Variants in CSMD1 observed in about 807,000 individuals in gnomAD.
CSMD1 encodes CUB and sushi domain-containing protein 1.
A neutral mutation model predicts 417.5 loss-of-function variants in CSMD1; 213 were observed. That is an observed-to-expected ratio of 0.51 (90% CI 0.46 to 0.57). The LOEUF (loss-of-function observed/expected upper bound fraction) is 0.57, where lower values mean the gene tolerates loss of function less well. CSMD1 is among the 20% of genes least tolerant of loss of function. The probability of loss-of-function intolerance (pLI) is 0.00; values close to 1 mark genes in which losing one functional copy is unlikely to be tolerated. For synonymous variants in CSMD1, 2,862 were observed against 1,736.8 expected, an observed-to-expected ratio of 1.65 and a Z score of -16.11; for missense variants, 6,923 against 4,529.7, an observed-to-expected ratio of 1.53 and a Z score of -15.17.
chr8:3,330,164 G>A (rs1410232837), intron 23 of CSMD1, among the ~76,000 whole-genome samples: 1 of 152,040 alleles, frequency 6.6e-6, no homozygotes, highest in Non-Finnish European at 1.5e-5. Flanking sequence ...TCCTTACATT[G>A]ATAAACTTCT....
At chr8:4,929,320 C>T (rs1339618999) in intron 1 of CSMD1, among the ~76,000 whole-genome samples, 1 of 152,156 alleles carries the variant, frequency 6.6e-6, no homozygotes, top group African/African-American at 2.4e-5. Flanking sequence ...CACATTTCTA[C>T]TCTTTAAGCC....
intron 3 of CSMD1, among the ~76,000 whole-genome samples, chr8:4,177,068 C>A (rs183540981): frequency 6.6e-6 from 1 of 152,254 alleles, no homozygotes; most frequent in African/African-American, 2.4e-5. Flanking sequence ...CTCATCTCTG[C>A]ACCAAGCGGA....
chr8:3,158,293 A>G (rs1194146488), intron 38 of CSMD1, among the ~76,000 whole-genome samples: 1 of 151,570 alleles, frequency 6.6e-6, no homozygotes, highest in African/African-American at 2.4e-5. Context: ...TTTTTCATTC[A>G]CCAGAATTTA....
At chr8:3,041,298 G>T (rs759432800) in intron 50 of CSMD1, among the ~76,000 whole-genome samples, 7 of 151,960 alleles carry the variant, frequency 4.6e-5, no homozygotes, top group African/African-American at 7.2e-5. Flanking sequence ...ATTTTTTCTT[G>T]TTTTCTTTAC....
chr8:4,433,469 G>A (rs564935552), intron 2 of CSMD1, among the ~76,000 whole-genome samples: 2 of 152,168 alleles, frequency 1.3e-5, no homozygotes, highest in East Asian at 1.9e-4. Flanking sequence ...TCAACGCACT[G>A]GCTATCTGCA....
At chr8:4,082,308 T>A (rs1333904377) in intron 3 of CSMD1, among the ~76,000 whole-genome samples, 2 of 152,052 alleles carry the variant, frequency 1.3e-5, no homozygotes, top group South Asian at 2.1e-4. Context: ...ATAAGAAAAA[T>A]TTAATATTTG....
Position 3,600,358 on chromosome 8 carries a change from T to C in CSMD1, c.1098-14098A>G, listed in dbSNP as rs568875000. 7.9e-5 allele frequency among the ~76,000 whole-genome samples: 12 copies of C among 152,320 alleles called. No individual in the cohort carries two copies. In the South Asian group the frequency reaches 1.2e-3, roughly 16 times the overall value. On this transcript the variant is annotated intron_variant, in intron 8 of 69. Transcript: ENST00000635120. ...TGGATTTATTACCTTTAGATCCTAG[T>C]TAAATTGATAAACCATCTAACTAGC...
intron 3 of CSMD1, among the ~76,000 whole-genome samples, chr8:4,128,296 G>C (rs78878206): frequency 6.6e-6 from 1 of 152,108 alleles, no homozygotes; most frequent in African/African-American, 2.4e-5. Context: ...GAGAAGACTC[G>C]TGAATTACTA....
intron 1 of CSMD1, among the ~76,000 whole-genome samples, chr8:4,834,609 G>A (rs930605524): frequency 6.6e-6 from 1 of 151,816 alleles, no homozygotes. Context: ...CGTGGTCCAG[G>A]ATAAAGAATG....
intron 5 of CSMD1, among the ~76,000 whole-genome samples, chr8:3,879,082 G>A (rs17067844): frequency 1.3e-5 from 2 of 151,824 alleles, no homozygotes; most frequent in African/African-American, 4.8e-5. Flanking sequence ...GTTATTCTGG[G>A]GTACCCAAGC....
chr8:4,704,563 G>C (rs1010698052), intron 1 of CSMD1, among the ~76,000 whole-genome samples: 1 of 152,282 alleles, frequency 6.6e-6, no homozygotes, highest in South Asian at 2.1e-4. Flanking sequence ...TTTGATTACA[G>C]AACATTTTCA....
intron 1 of CSMD1, among the ~76,000 whole-genome samples, chr8:4,891,159 C>G (rs573611404): frequency 6.6e-6 from 1 of 152,068 alleles, no homozygotes; most frequent in Non-Finnish European, 1.5e-5. Context: ...TGTTTTGAGT[C>G]AATGAGATTT....
At chr8:3,868,414 A>AGGGCAGCTGGG (rs1464164787) in intron 5 of CSMD1, among the ~76,000 whole-genome samples, 4 of 152,116 alleles carry the variant, frequency 2.6e-5, no homozygotes, top group Non-Finnish European at 5.9e-5. Flanking sequence ...GGTCCACACA[A>AGGGCAGCTGGG]GGGCAGCTGG....
intron 1 of CSMD1, among the ~76,000 whole-genome samples, chr8:4,716,990 G>T (rs1419868170): frequency 6.6e-6 from 1 of 151,944 alleles, no homozygotes; most frequent in Non-Finnish European, 1.5e-5. Context: ...CAAGTCTCCT[G>T]GTATAGAAGC....
intron 3 of CSMD1, among the ~76,000 whole-genome samples, chr8:4,110,423 T>A (rs1285823895): frequency 6.6e-6 from 1 of 152,136 alleles, no homozygotes; most frequent in Non-Finnish European, 1.5e-5. Context: ...ACTCTGGAAA[T>A]CTACATTTTC....
chr8:4,899,432 T>A (rs573209667), intron 1 of CSMD1, among the ~76,000 whole-genome samples: 1 of 152,328 alleles, frequency 6.6e-6, no homozygotes, highest in South Asian at 2.1e-4. Context: ...GTATTTTAGG[T>A]AATTGAGAAT....
intron 10 of CSMD1, among the ~76,000 whole-genome samples, chr8:3,571,512 A>T (rs2116922623): frequency 6.6e-6 from 1 of 152,302 alleles, no homozygotes; most frequent in East Asian, 1.9e-4. Context: ...CAGAAGCAAG[A>T]ATGCTCACCT....
intron 3 of CSMD1, among the ~76,000 whole-genome samples, chr8:4,356,511 A>G (rs1427800375): frequency 6.6e-6 from 1 of 152,114 alleles, no homozygotes; most frequent in Non-Finnish European, 1.5e-5. Flanking sequence ...GCTGGATCAA[A>G]TGTTGTTCTT....
At chr8:4,519,920 A>AGT (rs3056678) in intron 2 of CSMD1, among the ~76,000 whole-genome samples, 39,855 of 141,042 alleles carry the variant, frequency 0.28, 6,115 homozygotes, top group East Asian at 0.5. Context: ...TACATTATGT[A>AGT]GTGTGTGTGT....
Sources: gnomAD v4.1 joint callset for allele counts (sites outside exome capture counted in the v4.1 genomes callset) on GRCh38, gnomAD v4.1.1 for gene constraint, MANE v1.5 for transcripts, NCBI Gene and HGNC (gene_info 2026-07-23, HGNC 2026-07-21) for gene names.